ICE2: variants seen among roughly 807,000 people sequenced by gnomAD.
The protein encoded by ICE2 is interactor of little elongation complex ELL subunit 2, also known as little elongation complex subunit 2.
Under a neutral mutation model 105.4 loss-of-function variants are expected in ICE2, and 87 were observed. The ratio of observed to expected loss-of-function variants is 0.83; its 90% CI spans 0.69 to 0.99. The LOEUF (loss-of-function observed/expected upper bound fraction) is 0.99. Ranked by LOEUF, ICE2 falls within the 50% of genes least tolerant of loss-of-function variation. The probability of loss-of-function intolerance (pLI) is 0.00; values close to 1 mark genes in which losing one functional copy is unlikely to be tolerated. For synonymous variants in ICE2, 399 were observed against 392.0 expected, an observed-to-expected ratio of 1.02 and a Z score of -0.21; for missense variants, 1,323 against 1,146.7, an observed-to-expected ratio of 1.15 and a Z score of -2.22.
In ICE2 at chr15:60,479,014, C is replaced by A; in HGVS notation, c.-104G>T. On this transcript the variant is annotated 5_prime_UTR_variant, in exon 1 of 16. Coordinates refer to ENST00000261520, the MANE Select transcript of ICE2 (RefSeq NM_024611.6). ...GCCTTTCCGCCCACCTCATGGTCCG[C>A]GGCGGCTCTTGCCCAGGCCGCAGCC... The A allele has an allele frequency of 2.2e-6, 1 of 456,020 alleles. No individual in the cohort carries two copies. Among genetic ancestry groups the A allele is most frequent in the South Asian group, 1.5e-5 (1 of 64,546 alleles). The allele number at this position is 456,020 out of a possible 1,614,324, so 28.2% of individuals were successfully genotyped here.
chr15:60,451,354 A>G (rs1007059448), intron 9 of ICE2: 2 of 927,938 alleles, frequency 2.2e-6, no homozygotes, highest in African/African-American at 3.6e-5. Flanking sequence ...ATATACAAAG[A>G]AAATCTCAAT....
At chr15:60,434,331 A>G (rs1369085627) in intron 13 of ICE2, among the ~76,000 whole-genome samples, 1 of 152,184 alleles carries the variant, frequency 6.6e-6, no homozygotes, top group South Asian at 2.1e-4. Flanking sequence ...TGACTGTACT[A>G]TCCTTTCCCT....
At chr15:60,452,200 T>C (rs1405811983) in intron 9 of ICE2, 4 of 952,250 alleles carry the variant, frequency 4.2e-6, no homozygotes, top group East Asian at 1.2e-4. Flanking sequence ...TTATGACATA[T>C]GTATCATAAA....
At chr15:60,431,183 CT>C (rs552470506) in intron 14 of ICE2, among the ~76,000 whole-genome samples, 321 of 144,820 alleles carry the variant, frequency 2.2e-3, no homozygotes, top group Admixed American at 2.3e-3. Flanking sequence ...CTATGTTCTT[CT>C]TTTTTTTTTT....
At chr15:60,436,720 C>A (rs369442732) in intron 12 of ICE2, among the ~76,000 whole-genome samples, 703 of 87,938 alleles carry the variant, frequency 8.0e-3, no homozygotes, top group African/African-American at 0.02. Context: ...GACTCTGTCT[C>A]AAAAAAAAAA....
chr15:60,478,646 G>A (rs2064839160), intron 1 of ICE2: 2 of 332,620 alleles, frequency 6.0e-6, no homozygotes, highest in Non-Finnish European at 1.2e-5. Flanking sequence ...GACTGATAAA[G>A]TGACCTGCGA....
chr15:60,452,355 A>G, intron 9 of ICE2: 1 of 690,778 alleles, frequency 1.4e-6, no homozygotes, highest in Non-Finnish European at 1.8e-6. Context: ...ATTTTACTCA[A>G]GTCTCTGTCC....
intron 11 of ICE2, among the ~76,000 whole-genome samples, chr15:60,446,631 G>A (rs1414450793): frequency 7.2e-5 from 11 of 152,070 alleles, no homozygotes; most frequent in East Asian, 1.9e-4. Flanking sequence ...TCCTGACCTC[G>A]TGATCTGCCC....
chr15:60,449,041 A>C lies in ICE2; in HGVS notation c.1926T>G (p.Phe642Leu), dbSNP rs747222897. 13 of 1,613,454 alleles carry C rather than the reference A, an allele frequency of 8.1e-6. No homozygotes were observed. In the South Asian group the frequency reaches 8.8e-5, roughly 11 times the overall value. Residue 642 changes from phenylalanine (F) to leucine (L), a missense_variant, in exon 10 of 16, where the codon TTT (phenylalanine) becomes TTG (leucine). By Grantham distance (22) the Phe-to-Leu change is conservative (BLOSUM62 0). Transcript: ENST00000261520. ...TTTTTAAAATCTCTCCAACTGGATC[A>C]AATTTTTTATATACTCGTTTGATAG... Reference protein sequence around the residue: ...KKPIKRVYKKFDPVGEILKMQ... With the variant: ...KKPIKRVYKKLDPVGEILKMQ...
intron 4 of ICE2, 22 bp from the exon 5 acceptor site, chr15:60,466,735 A>C (rs781022574): frequency 6.4e-7 from 1 of 1,557,878 alleles, no homozygotes; most frequent in Non-Finnish European, 8.7e-7. Flanking sequence ...AAAAGTAGAC[A>C]TGTCTTGGGA....
At chr15:60,473,320 C>T (rs2064662202) in intron 3 of ICE2, among the ~76,000 whole-genome samples, 1 of 152,062 alleles carries the variant, frequency 6.6e-6, no homozygotes, top group African/African-American at 2.4e-5. Context: ...CAGAGAGGGT[C>T]TCACTCTGTT....
chr15:60,473,066 C>T (rs997038800), intron 3 of ICE2, among the ~76,000 whole-genome samples: 4 of 151,794 alleles, frequency 2.6e-5, no homozygotes, highest in African/African-American at 9.7e-5. Flanking sequence ...ACCTCAGTTT[C>T]CCAAGCAGCT....
At chr15:60,445,841 G>A in intron 11 of ICE2, 2 of 907,558 alleles carry the variant, frequency 2.2e-6, no homozygotes, top group Non-Finnish European at 2.6e-6. Flanking sequence ...GGAAGTTAAA[G>A]AAATGAGGTT....
At chr15:60,430,504 T>C (rs1362709210) in intron 14 of ICE2, among the ~76,000 whole-genome samples, 1 of 152,156 alleles carries the variant, frequency 6.6e-6, no homozygotes, top group Non-Finnish European at 1.5e-5. Flanking sequence ...AAAATATTGA[T>C]AATAAAATTT....
chr15:60,460,465 T>C lies in ICE2; in HGVS notation c.529-3671A>G, dbSNP rs541266216. ...GTGAGCAGAGATCACGCCACTGTACTGCAGCCTGTGCGAGAGAGGGAGACT... is the reference window on the plus strand; with the variant it reads ...GTGAGCAGAGATCACGCCACTGTACCGCAGCCTGTGCGAGAGAGGGAGACT... On this transcript the variant is annotated intron_variant, in intron 5 of 15. Coordinates refer to ENST00000261520, the MANE Select transcript of ICE2 (RefSeq NM_024611.6). Among the ~76,000 whole-genome samples, 54 of 152,354 alleles carry C rather than the reference T, an allele frequency of 3.5e-4. 2 individuals carry two copies. In the South Asian group the frequency reaches 0.011, roughly 31 times the overall value.
In ICE2 at chr15:60,420,214, T is replaced by A. The variant is rs1269014071; in HGVS notation, c.*3420A>T. The A allele has an allele frequency of 6.6e-6, 1 of 152,076 alleles. No individual in the cohort carries two copies. The highest frequency in any genetic ancestry group is 1.5e-5 in the Non-Finnish European group (1 of 68,018). The allele number at this position is 152,076 out of a possible 1,614,324, so 9.4% of individuals were successfully genotyped here. On this transcript the variant is annotated 3_prime_UTR_variant, in exon 16 of 16. Transcript: ENST00000261520. The stretch of plus-strand genomic sequence containing the variant: ...CACTCTAACCACACTATTTTCTCAA[T>A]GGGTTAACACCATCATTTACTCAGT...
At chr15:60,446,570 T>G (rs2063827352) in intron 11 of ICE2, among the ~76,000 whole-genome samples, 1 of 152,146 alleles carries the variant, frequency 6.6e-6, no homozygotes, top group Non-Finnish European at 1.5e-5. Context: ...TAATTTTTTG[T>G]ATTCTTAGTA....
At chr15:60,428,358 T>C in intron 15 of ICE2, 71 bp downstream of exon 15, 2 of 1,460,634 alleles carry the variant, frequency 1.4e-6, no homozygotes, top group Non-Finnish European at 1.9e-6. Flanking sequence ...CAGGGTGAAA[T>C]ACGGTAAAGT....
At position 60,449,170 on chromosome 15, in the gene ICE2, T is replaced by A; in HGVS notation, c.1797A>T (p.Leu599Phe). ...DGKTAVVGSN[L>F]SSRPASPNSS... ...AATTTGGACTAGCTGGTCTGGAACT[T>A]AAGTTAGAACCCACAACAGCTGTCT... The change falls in exon 10 of 16, where the codon TTA becomes TTT. Residue 599 changes from leucine to phenylalanine, a missense_variant. Transcript: ENST00000261520. 6.2e-7 allele frequency: 1 copy of A among 1,614,126 alleles called. No homozygotes were observed. The highest frequency in any genetic ancestry group is 1.6e-4 in the Middle Eastern group (1 of 6,062).
Sources: allele counts gnomAD v4.1 joint callset (sites outside exome capture counted in the v4.1 genomes callset), GRCh38; gene constraint gnomAD v4.1.1; transcripts MANE v1.5; gene names NCBI Gene and HGNC (gene_info 2026-07-23, HGNC 2026-07-21).